Variants in PDE8A observed in about 807,000 individuals in gnomAD.
PDE8A encodes the protein phosphodiesterase 8A.
Under a neutral mutation model 105.0 loss-of-function variants are expected in PDE8A, and 59 were observed. The ratio of observed to expected loss-of-function variants is 0.56; its 90% confidence interval spans 0.46 to 0.70. The LOEUF (loss-of-function observed/expected upper bound fraction) is 0.70. Ranked by LOEUF, PDE8A falls within the 30% of genes least tolerant of loss-of-function variation. The probability of loss-of-function intolerance (pLI) is 0.00; values close to 1 mark genes in which losing one functional copy is unlikely to be tolerated. For synonymous variants in PDE8A, 355 were observed against 371.9 expected, an observed-to-expected ratio of 0.95 and a Z score of 0.52; for missense variants, 1,014 against 1,045.9, an observed-to-expected ratio of 0.97 and a Z score of 0.42.
chr15:85,034,648 G>A (rs1364183133), intron 1 of PDE8A, among the ~76,000 whole-genome samples: 1 of 152,186 alleles, frequency 6.6e-6, no homozygotes, highest in African/African-American at 2.4e-5. Flanking sequence ...AACAGTAAGA[G>A]TTAATATAAC....
In PDE8A at chr15:85,117,805, C is replaced by T; in HGVS notation, c.1700C>T (p.Ala567Val). The change falls in exon 17 of 22, where the codon GCC (alanine) becomes GTC (valine). Residue 567 changes from alanine to valine, a missense_variant. Coordinates refer to ENST00000394553, the MANE Select transcript of PDE8A (RefSeq NM_002605.3). ...NSTHSADVLH[A>V]TAYFLSKERI... ...ACACATTCTGCTGATGTGCTTCATGCCACTGCCTATTTTCTCTCCAAGGAG... is the reference window on the plus strand; with the variant it reads ...ACACATTCTGCTGATGTGCTTCATGTCACTGCCTATTTTCTCTCCAAGGAG... 1 of 1,613,916 alleles carries T rather than the reference C, an allele frequency of 6.2e-7. No individual in the cohort carries two copies. Among genetic ancestry groups the T allele is most frequent in the Non-Finnish European group, 8.5e-7 (1 of 1,179,818 alleles).
intron 1 of PDE8A, among the ~76,000 whole-genome samples, chr15:84,999,648 C>A (rs1467457395): frequency 6.6e-6 from 1 of 152,022 alleles, no homozygotes; most frequent in Non-Finnish European, 1.5e-5. Flanking sequence ...AATCTTGGCT[C>A]ACTGCAACCT....
intron 19 of PDE8A, 147 bp downstream of exon 19, chr15:85,123,340 A>G (rs2082211648): frequency 3.1e-5 from 2 of 63,668 alleles, no homozygotes; most frequent in Admixed American, 1.8e-4. Flanking sequence ...AATGGGATAC[A>G]CACACACACA....
At chr15:85,046,387 A>G (rs2080888649) in intron 1 of PDE8A, among the ~76,000 whole-genome samples, 1 of 152,184 alleles carries the variant, frequency 6.6e-6, no homozygotes, top group Non-Finnish European at 1.5e-5. Context: ...TACCTATGAA[A>G]TTACTCTGAA....
chr15:84,991,897 C>A lies in PDE8A; in HGVS notation c.186+9549C>A, dbSNP rs1596411737. ...GAGTGGTGGCTCACACCTGTAATCC[C>A]AGCACTTTGGGAGGCCGAGGCAGGA... On this transcript the variant is annotated intron_variant, in intron 1 of 21. Coordinates refer to ENST00000394553, the MANE Select transcript of PDE8A (RefSeq NM_002605.3). Among the ~76,000 whole-genome samples, 4 of 152,166 alleles carry A rather than the reference C, an allele frequency of 2.6e-5. No homozygotes were observed. The South Asian group carries it at 6.2e-4, about 24-fold the overall frequency.
At chr15:85,110,184 C>T (rs1189147352) in intron 12 of PDE8A, among the ~76,000 whole-genome samples, 6 of 152,172 alleles carry the variant, frequency 3.9e-5, no homozygotes, top group Admixed American at 6.5e-5. Context: ...CAGTCCCAGA[C>T]CCTCTGCAGT....
intron 1 of PDE8A, among the ~76,000 whole-genome samples, chr15:85,028,747 C>G (rs796389981): frequency 6.6e-6 from 1 of 151,958 alleles, no homozygotes; most frequent in African/African-American, 2.4e-5. Context: ...ACCTCCCACC[C>G]GACCCCTCCC....
intron 1 of PDE8A, among the ~76,000 whole-genome samples, chr15:85,044,071 T>C (rs1006573332): frequency 6.6e-6 from 1 of 152,256 alleles, no homozygotes; most frequent in African/African-American, 2.4e-5. Context: ...ATGTGCATTA[T>C]AGAATTATAA....
chr15:85,092,335 T>TG (rs2081659374), intron 8 of PDE8A, among the ~76,000 whole-genome samples: 1 of 151,650 alleles, frequency 6.6e-6, no homozygotes, highest in African/African-American at 2.4e-5. Context: ...GTTGTTTTTT[T>TG]TTGTTTTGTT....
At chr15:85,027,970 A>G (rs2080546026) in intron 1 of PDE8A, among the ~76,000 whole-genome samples, 1 of 152,212 alleles carries the variant, frequency 6.6e-6, no homozygotes, top group Non-Finnish European at 1.5e-5. Context: ...TAAAAACTTC[A>G]TAGTGTTACA....
intron 6 of PDE8A, among the ~76,000 whole-genome samples, chr15:85,084,454 G>A (rs930283777): frequency 1.3e-5 from 2 of 152,194 alleles, no homozygotes; most frequent in Non-Finnish European, 1.5e-5. Flanking sequence ...GTATACAAAA[G>A]AGATTTTTAC....
At chr15:85,012,709 TAA>T (rs879607776) in intron 1 of PDE8A, among the ~76,000 whole-genome samples, 4 of 145,468 alleles carry the variant, frequency 2.7e-5, no homozygotes, top group Non-Finnish European at 6.1e-5. Flanking sequence ...AATAATAGAA[TAA>T]AAAAAAAAGA....
chr15:85,036,204 C>A (rs1311607453), intron 1 of PDE8A, among the ~76,000 whole-genome samples: 1 of 152,214 alleles, frequency 6.6e-6, no homozygotes, highest in Non-Finnish European at 1.5e-5. Context: ...GTGGATGCTA[C>A]TTTTAACAGC....
At chr15:84,983,913 A>G (rs16974673) in intron 1 of PDE8A, among the ~76,000 whole-genome samples, 2 of 152,208 alleles carry the variant, frequency 1.3e-5, no homozygotes, top group East Asian at 1.9e-4. Flanking sequence ...CTCTTGTGCT[A>G]TCGCAGTGCC....
chr15:85,134,269 C>T (rs923593973), intron 20 of PDE8A, among the ~76,000 whole-genome samples: 4 of 152,206 alleles, frequency 2.6e-5, no homozygotes, highest in South Asian at 2.1e-4. Flanking sequence ...GCTGAGCTAA[C>T]GGAGCCTTTG....
intron 11 of PDE8A, among the ~76,000 whole-genome samples, chr15:85,107,969 A>C (rs2081969791): frequency 6.6e-6 from 1 of 152,186 alleles, no homozygotes; most frequent in South Asian, 2.1e-4. Flanking sequence ...AGGAGTAGTA[A>C]GAAGTGGAAG....
chr15:85,073,537 T>A (rs1016659432), intron 3 of PDE8A, among the ~76,000 whole-genome samples: 10 of 152,246 alleles, frequency 6.6e-5, no homozygotes, highest in Non-Finnish European at 1.3e-4. Context: ...TGAGATCACC[T>A]ACCTACTTGC....
Position 85,098,006 on chromosome 15 carries a change from T to G in PDE8A, c.911T>G (p.Val304Gly). 1 of 1,601,242 alleles carries G rather than the reference T, an allele frequency of 6.2e-7. No homozygotes were observed. Among genetic ancestry groups the G allele is most frequent in the East Asian group, 2.2e-5 (1 of 44,772 alleles). Residue 304 changes from valine to glycine, a missense_variant, in exon 9 of 22, where the codon GTG (valine) becomes GGG (glycine). Val to Gly is a moderately radical substitution (Grantham distance 109). Coordinates refer to ENST00000394553, the MANE Select transcript of PDE8A (RefSeq NM_002605.3). ...AACGGAGATAATATACAACAAAATG[T>G]GAAGATAATACCTGTCATTGGACAG... ...KKNGDNIQQN[V>G]KIIPVIGQGG...
chr15:84,982,291 C>T lies in PDE8A; in HGVS notation c.129C>T (p.Pro43=). The change falls in exon 1 of 22, where the codon CCC becomes CCT. Residue 43 remains proline (P), a synonymous_variant. Transcript: ENST00000394553. ...AGGGCCAGAAGACGGCCGCCTTGCC[C>T]CGGACCCGCGGCGCCGGCCTCTTGG... ...LPQGQKTAAL[P]RTRGAGLLES... 7.2e-7 allele frequency: 1 copy of T among 1,383,352 alleles called. No individual in the cohort carries two copies. Among genetic ancestry groups the T allele is most frequent in the Non-Finnish European group, 9.3e-7 (1 of 1,078,938 alleles). 85.7% of individuals were successfully genotyped at this position (1,383,352 alleles called of 1,614,324 possible). A position where few individuals can be genotyped will look rare whatever the true frequency, so the allele number is the denominator to read the frequency against.
Sources: gnomAD v4.1 joint callset for allele counts (sites outside exome capture counted in the v4.1 genomes callset) on GRCh38, gnomAD v4.1.1 for gene constraint, MANE v1.5 for transcripts, NCBI Gene and HGNC (gene_info 2026-07-23, HGNC 2026-07-21) for gene names.